Variants in KIAA1328 observed in about 807,000 individuals in gnomAD.
KIAA1328 encodes the protein protein hinderin.
In KIAA1328, 52 loss-of-function variants were observed where a neutral mutation model predicts 68.1. The ratio of observed to expected loss-of-function variants is 0.76; its 90% CI spans 0.61 to 0.96. KIAA1328 has a LOEUF of 0.96. Among genes scored for constraint, KIAA1328 ranks in the 40% least tolerant of loss-of-function variants. The pLI, the probability that KIAA1328 is intolerant of heterozygous loss-of-function variation, is 0.00. For synonymous variants in KIAA1328, 232 were observed against 239.4 expected (o/e 0.97, Z 0.28); for missense variants, 641 against 677.6 (o/e 0.95, Z 0.60).
intron 4 of KIAA1328, among the ~76,000 whole-genome samples, chr18:36,881,237 G>GA (rs1173072207): frequency 6.9e-6 from 1 of 145,890 alleles, no homozygotes; most frequent in African/African-American, 2.6e-5. Flanking sequence ...TTTGTTTCTT[G>GA]AAAAATGGGT....
At chr18:37,229,053 G>C (rs1462320060), downstream of KIAA1328, among the ~76,000 whole-genome samples, 1 of 152,132 alleles carries the variant, frequency 6.6e-6, no homozygotes, top group Non-Finnish European at 1.5e-5. Flanking sequence ...CTTTATAGTG[G>C]CGATCTGGAA....
chr18:37,173,129 A>G, intron 9 of KIAA1328, 48 bp downstream of exon 9: 15 of 1,361,982 alleles, frequency 1.1e-5, no homozygotes, highest in Non-Finnish European at 1.5e-5. Context: ...CTATGAGAGC[A>G]TTTTTTTGAA....
At position 37,160,280 on chromosome 18, in the gene KIAA1328, G is replaced by A. The variant is rs1264061308; in HGVS notation, c.1313G>A (p.Gly438Glu). 1 of 1,613,694 alleles carries A rather than the reference G, an allele frequency of 6.2e-7. No homozygotes were observed. The highest frequency in any genetic ancestry group is 8.5e-7 in the Non-Finnish European group (1 of 1,179,752). ...IKKHQDPPNS[G>E]ENRKERKTVG... ...AAGCACCAAGACCCCCCAAACAGTG[G>A]AGAGAATAGGAAGGAGAGGAAGACA... is the stretch of plus-strand genomic sequence containing the variant. Residue 438 changes from glycine to glutamate, a missense_variant, in exon 8 of 10, where the codon GGA (glycine) becomes GAA (glutamate). Coordinates refer to ENST00000280020, the MANE Select transcript of KIAA1328 (RefSeq NM_020776.3).
At chr18:36,843,140 T>C (rs1331474970) in intron 3 of KIAA1328, among the ~76,000 whole-genome samples, 1 of 152,176 alleles carries the variant, frequency 6.6e-6, no homozygotes, top group African/African-American at 2.4e-5. Flanking sequence ...TAAATCTTTA[T>C]GATTTTCTCT....
chr18:37,070,446 A>G (rs1163855277), intron 7 of KIAA1328, among the ~76,000 whole-genome samples: 1 of 151,882 alleles, frequency 6.6e-6, no homozygotes, highest in Middle Eastern at 3.2e-3. Context: ...TATTTTTCCT[A>G]TTAGTTCTAT....
intron 8 of KIAA1328, among the ~76,000 whole-genome samples, chr18:37,168,453 A>T (rs2059433072): frequency 1.3e-5 from 2 of 152,228 alleles, no homozygotes; most frequent in Non-Finnish European, 2.9e-5. Context: ...CCAAACCAGA[A>T]ATACTCCGAA....
In KIAA1328 at chr18:37,214,652, T is replaced by A. The variant is rs186990440; in HGVS notation, c.1524-7365T>A. Among the ~76,000 whole-genome samples, 52 of 152,358 alleles carry A rather than the reference T, an allele frequency of 3.4e-4. No homozygotes were observed. The East Asian group carries it at 9.6e-3, about 28-fold the overall frequency. ...ATACGGGCTCTTTTTTGGTTCTATA[T>A]GAACTTTAAAGTAGTTTATTCCAGT... On this transcript the variant is annotated intron_variant, in intron 9 of 9. Coordinates refer to ENST00000280020, the MANE Select transcript of KIAA1328 (RefSeq NM_020776.3).
intron 6 of KIAA1328, among the ~76,000 whole-genome samples, chr18:37,050,635 C>G (rs2055655925): frequency 1.3e-5 from 2 of 152,120 alleles, no homozygotes; most frequent in Non-Finnish European, 2.9e-5. Context: ...AAATATTTAT[C>G]AAAAATAAAT....
At chr18:36,845,170 G>T (rs1440530799) in intron 4 of KIAA1328, among the ~76,000 whole-genome samples, 1 of 151,620 alleles carries the variant, frequency 6.6e-6, no homozygotes, top group African/African-American at 2.4e-5. Context: ...CAGAATACAG[G>T]GTGTGAGAAT....
intron 1 of KIAA1328, among the ~76,000 whole-genome samples, chr18:36,831,723 G>A (rs2046498791): frequency 6.6e-6 from 1 of 152,172 alleles, no homozygotes; most frequent in South Asian, 2.1e-4. Flanking sequence ...GAAAGTCTCT[G>A]TGGTTGATAA....
intron 5 of KIAA1328, among the ~76,000 whole-genome samples, chr18:36,910,495 A>G (rs2049398754): frequency 6.6e-6 from 1 of 152,106 alleles, no homozygotes; most frequent in Admixed American, 6.5e-5. Flanking sequence ...CTGTTTTGGT[A>G]CCAGTACCAT....
intron 6 of KIAA1328, among the ~76,000 whole-genome samples, chr18:37,050,488 C>T (rs1013560201): frequency 6.6e-6 from 1 of 152,242 alleles, no homozygotes; most frequent in East Asian, 1.9e-4. Context: ...TTTTCTTTCT[C>T]ATATACATTT....
intron 5 of KIAA1328, chr18:36,923,733 A>G (rs2050014297): frequency 1.3e-5 from 2 of 152,238 alleles, no homozygotes; most frequent in South Asian, 4.1e-4. Flanking sequence ...GTGACAATTT[A>G]AATTTAAATT....
intron 6 of KIAA1328, among the ~76,000 whole-genome samples, chr18:37,045,007 T>C (rs1031436049): frequency 1.3e-5 from 2 of 152,110 alleles, no homozygotes; most frequent in Admixed American, 1.3e-4. Context: ...GTAGTGGAAG[T>C]TGGGTTTTCA....
At chr18:37,115,035 A>C (rs182990832) in intron 7 of KIAA1328, among the ~76,000 whole-genome samples, 16,175 of 151,966 alleles carry the variant, frequency 0.11, 1,076 homozygotes, top group Non-Finnish European at 0.13. Flanking sequence ...GCCTACCAAC[A>C]AAAAAAAGTC....
At chr18:37,010,384 A>C (rs1476010151) in intron 6 of KIAA1328, among the ~76,000 whole-genome samples, 3 of 143,842 alleles carry the variant, frequency 2.1e-5, no homozygotes, top group Non-Finnish European at 1.5e-5. Context: ...TGGAGATTGC[A>C]GTGAGCCGAG....
downstream of KIAA1328, among the ~76,000 whole-genome samples, chr18:37,228,920 CATG>C (rs375919042): frequency 6.6e-6 from 1 of 152,170 alleles, no homozygotes; most frequent in African/African-American, 2.4e-5. Flanking sequence ...TGTTTTTAGT[CATG>C]ATACAGTTGC....
chr18:37,083,857 C>G (rs2057021018), intron 7 of KIAA1328, among the ~76,000 whole-genome samples: 1 of 152,114 alleles, frequency 6.6e-6, no homozygotes, highest in Non-Finnish European at 1.5e-5. Flanking sequence ...TAAAGTGCTC[C>G]TATTGAAGTA....
At chr18:36,975,580 C>A (rs192125390) in intron 6 of KIAA1328, among the ~76,000 whole-genome samples, 1 of 152,300 alleles carries the variant, frequency 6.6e-6, no homozygotes, top group Admixed American at 6.5e-5. Context: ...AGGCACCCTT[C>A]AGGTAAACAG....
Sources: allele counts gnomAD v4.1 joint callset (sites outside exome capture counted in the v4.1 genomes callset), GRCh38; gene constraint gnomAD v4.1.1; transcripts MANE v1.5; gene names NCBI Gene and HGNC (gene_info 2026-07-23, HGNC 2026-07-21).